The following C8orf34 variants were observed in gnomAD, a reference collection of about 807,000 sequenced individuals.
C8orf34 encodes uncharacterized protein C8orf34.
Under a neutral mutation model 68.3 loss-of-function variants are expected in C8orf34, and 65 were observed. The observed-to-expected ratio is 0.95, with a 90% CI of 0.78 to 1.17. The LOEUF is 1.17. C8orf34 is among the 50% of genes most tolerant of loss of function. The pLI is 0.00. For synonymous variants in C8orf34, 244 were observed against 241.2 expected, an observed-to-expected ratio of 1.01 and a Z score of -0.11; for missense variants, 664 against 655.4, an observed-to-expected ratio of 1.01 and a Z score of -0.14.
intron 12 of C8orf34, among the ~76,000 whole-genome samples, chr8:68,802,498 A>AT (rs1554615706): frequency 6.6e-6 from 1 of 152,046 alleles, no homozygotes; most frequent in Non-Finnish European, 1.5e-5. Flanking sequence ...GCCATTTAAA[A>AT]CTTAATTACG....
chr8:68,715,014 A>G (rs1821429278), intron 9 of C8orf34, among the ~76,000 whole-genome samples: 2 of 152,192 alleles, frequency 1.3e-5, no homozygotes. Context: ...AAACAAAAAC[A>G]TAAAGTGGGG....
rs139338370 is a variant in C8orf34 at position 68,713,417 on chromosome 8, T to A, written c.1327+4338T>A. On this transcript the variant is annotated intron_variant, in intron 9 of 13. Transcript: ENST00000518698. ...TTTGAAAACATAAATATAGCAAGAT[T>A]AACCAAGAAAAGAAGAGAGAAGATG... Among the ~76,000 whole-genome samples the A allele has an allele frequency of 3.3e-3, 505 of 151,842 alleles. 5 individuals carry two copies. Among genetic ancestry groups the A allele is most frequent in the Middle Eastern group, 0.014 (4 of 294 alleles).
At chr8:68,683,861 A>G (rs571191343) in intron 8 of C8orf34, among the ~76,000 whole-genome samples, 1 of 152,308 alleles carries the variant, frequency 6.6e-6, no homozygotes, top group Admixed American at 6.5e-5. Flanking sequence ...GACCGCATGT[A>G]TAGAAGTCAG....
At chr8:68,774,339 A>ATATATATATATATATATATATAT (rs1823443441) in intron 10 of C8orf34, among the ~76,000 whole-genome samples, 1 of 148,622 alleles carries the variant, frequency 6.7e-6, no homozygotes. Context: ...GTGTATATAT[A>ATATATATATATATATATATATAT]TATATATATA....
At chr8:68,360,476 T>G (rs1267054647) in intron 1 of C8orf34, among the ~76,000 whole-genome samples, 1 of 152,176 alleles carries the variant, frequency 6.6e-6, no homozygotes, top group African/African-American at 2.4e-5. Context: ...TTAAAGATAA[T>G]CAAACTTTCA....
intron 1 of C8orf34, among the ~76,000 whole-genome samples, chr8:68,409,165 A>G (rs545617817): frequency 2.0e-5 from 3 of 152,332 alleles, no homozygotes; most frequent in South Asian, 4.1e-4. Flanking sequence ...ATAAATGGCT[A>G]TGTTACTAGT....
intron 8 of C8orf34, among the ~76,000 whole-genome samples, chr8:68,676,338 GA>G (rs969010760): frequency 1.7e-4 from 24 of 145,000 alleles, no homozygotes; most frequent in Middle Eastern, 3.6e-3. Context: ...TCTCCAAAAA[GA>G]AAAAAAAAAT....
At chr8:68,420,396 T>C (rs1050580629) in intron 1 of C8orf34, among the ~76,000 whole-genome samples, 1 of 152,148 alleles carries the variant, frequency 6.6e-6, no homozygotes, top group African/African-American at 2.4e-5. Context: ...TTGAAATTGA[T>C]TCAAAATGAT....
chr8:68,735,296 T>C (rs1262680610), intron 10 of C8orf34, among the ~76,000 whole-genome samples: 1 of 152,186 alleles, frequency 6.6e-6, no homozygotes, highest in Non-Finnish European at 1.5e-5. Context: ...GCTTTGAACA[T>C]AAGAATTGCC....
intron 1 of C8orf34, among the ~76,000 whole-genome samples, chr8:68,343,842 T>G: frequency 1.3e-5 from 2 of 152,152 alleles, no homozygotes; most frequent in East Asian, 3.9e-4. Flanking sequence ...TCCGCCTGCC[T>G]TGGCCTCCCA....
At chr8:68,378,381 C>T (rs992878903) in intron 1 of C8orf34, among the ~76,000 whole-genome samples, 15 of 152,196 alleles carry the variant, frequency 9.9e-5, no homozygotes, top group African/African-American at 3.6e-4. Context: ...GTGGTACAAT[C>T]TAGGCTCATT....
At chr8:68,515,768 T>C (rs1310317421) in intron 5 of C8orf34, among the ~76,000 whole-genome samples, 2 of 152,226 alleles carry the variant, frequency 1.3e-5, no homozygotes, top group Non-Finnish European at 2.9e-5. Context: ...TAAGTAAATA[T>C]CATTAAAGAT....
intron 12 of C8orf34, among the ~76,000 whole-genome samples, chr8:68,798,511 T>C (rs1487865763): frequency 6.6e-6 from 1 of 152,126 alleles, no homozygotes; most frequent in Non-Finnish European, 1.5e-5. Flanking sequence ...AATCTCTAAA[T>C]TAGGTATATC....
At chr8:68,651,843 C>T (rs1366212329) in intron 8 of C8orf34, among the ~76,000 whole-genome samples, 1 of 151,930 alleles carries the variant, frequency 6.6e-6, no homozygotes, top group African/African-American at 2.4e-5. Context: ...AAGCCGAAAC[C>T]CCTCTATTAT....
rs1824637083 is a variant in C8orf34, at chr8:68,811,090, C to A, written c.1550-4796C>A. Among the ~76,000 whole-genome samples the A allele has an allele frequency of 3.9e-5, 6 of 152,190 alleles. No individual in the cohort carries two copies. In the South Asian group the frequency reaches 1.2e-3, roughly 31 times the overall value. On this transcript the variant is annotated intron_variant, in intron 12 of 13. Transcript: ENST00000518698. Reference sequence around the variant, plus strand: ...CCCATGGTGCCCAGGTTGTTTGTGCCATAGGGCGCCTGTAGGCCTGCTCTG... The same window carrying A: ...CCCATGGTGCCCAGGTTGTTTGTGCAATAGGGCGCCTGTAGGCCTGCTCTG...
chr8:68,551,972 A>G (rs1029582954), intron 7 of C8orf34, among the ~76,000 whole-genome samples: 7 of 152,114 alleles, frequency 4.6e-5, no homozygotes, highest in African/African-American at 9.7e-5. Flanking sequence ...CAAAACACCA[A>G]TTTGTCAAAA....
In C8orf34 at chr8:68,459,872, A is replaced by G. The variant is rs149643347; in HGVS notation, c.608-8820A>G. 2.1e-3 allele frequency among the ~76,000 whole-genome samples: 324 copies of G among 152,304 alleles called. 1 individual carries two copies. Among genetic ancestry groups the G allele is most frequent in the African/African-American group, 7.0e-3 (292 of 41,570 alleles). On this transcript the variant is annotated intron_variant, in intron 3 of 13. Coordinates refer to ENST00000518698, the MANE Select transcript of C8orf34 (RefSeq NM_052958.4). ...TCCCAGTGTGAGTGACGCAGAAGAC[A>G]GGTGATTTCTGCATTTCCATCAGAG...
intron 8 of C8orf34, among the ~76,000 whole-genome samples, chr8:68,660,308 G>T (rs921126789): frequency 6.6e-6 from 1 of 152,148 alleles, no homozygotes. Flanking sequence ...AATACCAGGG[G>T]TATGTGAGGG....
chr8:68,481,977 G>C (rs1244264340), intron 4 of C8orf34, among the ~76,000 whole-genome samples: 1 of 152,180 alleles, frequency 6.6e-6, no homozygotes, highest in Non-Finnish European at 1.5e-5. Flanking sequence ...ATGAGATTTG[G>C]AGGGGCCAGG....
Sources: allele counts gnomAD v4.1 joint callset (sites outside exome capture counted in the v4.1 genomes callset), GRCh38; gene constraint gnomAD v4.1.1; transcripts MANE v1.5; gene names NCBI Gene and HGNC (gene_info 2026-07-23, HGNC 2026-07-21).